Variants in CRADD observed in about 807,000 individuals in gnomAD.
CRADD encodes death domain-containing protein CRADD.
A neutral mutation model predicts 15.5 loss-of-function variants in CRADD; 9 were observed. The observed-to-expected ratio is 0.58, with a 90% CI of 0.35 to 1.01. CRADD has a LOEUF of 1.01. CRADD is among the 50% of genes least tolerant of loss of function. The pLI, the probability that CRADD is intolerant of heterozygous loss-of-function variation, is 0.02. For missense variants in CRADD, 227 were observed against 250.3 expected, an observed-to-expected ratio of 0.91 and a Z score of 0.63; for synonymous variants, 118 against 107.6, an observed-to-expected ratio of 1.10 and a Z score of -0.60.
At position 93,732,150 on chromosome 12, in the gene CRADD, A is replaced by G. The variant is rs556688855; in HGVS notation, c.298+53078A>G. 3.9e-5 allele frequency among the ~76,000 whole-genome samples: 6 copies of G among 152,018 alleles called. No homozygotes were observed. The South Asian group carries it at 6.2e-4, about 16-fold the overall frequency. On this transcript the variant is annotated intron_variant, in intron 2 of 2. Transcript: ENST00000332896. ...AAATTCCGTCTCAAGAAAAAAAAAA[A>G]AAAGAAAGAAAGAAACAGTGAAATC...
downstream of CRADD, among the ~76,000 whole-genome samples, chr12:93,851,584 C>T (rs1283951401): frequency 6.6e-6 from 1 of 152,200 alleles, no homozygotes; most frequent in Non-Finnish European, 1.5e-5. Context: ...AATTTGCCGC[C>T]ACTGTGGCTG....
At chr12:93,696,733 T>C (rs1308671232) in intron 2 of CRADD, among the ~76,000 whole-genome samples, 4 of 143,586 alleles carry the variant, frequency 2.8e-5, no homozygotes, top group African/African-American at 1.1e-4. Flanking sequence ...CAACCACAAA[T>C]AGAAAATATT....
At chr12:93,758,869 T>A (rs1036870754) in intron 2 of CRADD, among the ~76,000 whole-genome samples, 8 of 152,174 alleles carry the variant, frequency 5.3e-5, no homozygotes, top group African/African-American at 1.9e-4. Flanking sequence ...GAAACAGAAG[T>A]ATGGAAACTT....
chr12:93,738,860 G>C (rs952016593), intron 2 of CRADD, among the ~76,000 whole-genome samples: 1 of 151,962 alleles, frequency 6.6e-6, no homozygotes, highest in African/African-American at 2.4e-5. Flanking sequence ...AGAGAAACGA[G>C]GAAAGGAAGG....
chr12:93,762,681 C>A (rs1298080531), intron 2 of CRADD, among the ~76,000 whole-genome samples: 2 of 152,186 alleles, frequency 1.3e-5, no homozygotes, highest in Non-Finnish European at 2.9e-5. Context: ...TCTATTCCTG[C>A]CCCCAGTCCC....
chr12:93,749,267 A>G (rs1328715319), intron 2 of CRADD, among the ~76,000 whole-genome samples: 2 of 152,204 alleles, frequency 1.3e-5, no homozygotes, highest in Non-Finnish European at 2.9e-5. Context: ...TCAAAGGGCC[A>G]AGATGGGGAG....
intron 2 of CRADD, among the ~76,000 whole-genome samples, chr12:93,823,017 G>A (rs747929863): frequency 6.6e-6 from 1 of 152,160 alleles, no homozygotes; most frequent in African/African-American, 2.4e-5. Flanking sequence ...CGCATTGGCC[G>A]GGCACGGTGG....
chr12:93,725,482 C>T (rs1371095063), intron 2 of CRADD, among the ~76,000 whole-genome samples: 3 of 146,130 alleles, frequency 2.1e-5, no homozygotes, highest in African/African-American at 8.4e-5. Context: ...GAAAGGCCCT[C>T]ATTCCACCCA....
At chr12:93,700,335 C>T (rs1955814480) in intron 2 of CRADD, among the ~76,000 whole-genome samples, 1 of 152,184 alleles carries the variant, frequency 6.6e-6, no homozygotes. Flanking sequence ...AGCTTTCTTC[C>T]TATCACTGTG....
At position 93,832,601 on chromosome 12, in the gene CRADD, C is replaced by T. The variant is rs562783061; in HGVS notation, c.299-17369C>T. ...AAAGATAATATCAAGGAACCATAGG[C>T]CACCTTGTTTTCTTCAGCTTTAATA... On this transcript the variant is annotated intron_variant, in intron 2 of 2. Transcript: ENST00000332896. 1.2e-4 allele frequency among the ~76,000 whole-genome samples: 19 copies of T among 152,242 alleles called. No individual in the cohort carries two copies. In the East Asian group the frequency reaches 3.5e-3, roughly 28 times the overall value.
chr12:93,702,248 A>T (rs1371924860), intron 2 of CRADD, among the ~76,000 whole-genome samples: 1 of 152,182 alleles, frequency 6.6e-6, no homozygotes, highest in Non-Finnish European at 1.5e-5. Flanking sequence ...ACAGGTAAAG[A>T]GAAAAGGGAC....
At chr12:93,699,056 G>A (rs538688360) in intron 2 of CRADD, among the ~76,000 whole-genome samples, 263 of 152,186 alleles carry the variant, frequency 1.7e-3, no homozygotes, top group African/African-American at 6.1e-3. Flanking sequence ...AAAACCTGTG[G>A]CTTTTCCCAA....
rs568271254 is a variant in CRADD at position 93,836,102 on chromosome 12, G to A, written c.299-13868G>A. ...TGCAGAATGTCTTCTCATTCTGCCA[G>A]GGACAGTTAGTTCTCGTTGTCCACA... is the stretch of plus-strand genomic sequence containing the variant. On this transcript the variant is annotated intron_variant, in intron 2 of 2. Coordinates refer to ENST00000332896, the MANE Select transcript of CRADD (RefSeq NM_003805.5). 5 of 152,298 alleles carry A rather than the reference G, an allele frequency of 3.3e-5. No homozygotes were observed. In the East Asian group the frequency reaches 9.6e-4, roughly 29 times the overall value. 9.4% of individuals were successfully genotyped at this position (152,298 alleles called of 1,614,324 possible).
chr12:93,682,376 A>G (rs1955331528), intron 2 of CRADD, among the ~76,000 whole-genome samples: 1 of 152,214 alleles, frequency 6.6e-6, no homozygotes, highest in Non-Finnish European at 1.5e-5. Context: ...CATTTTGATC[A>G]TACTTATTAA....
Position 93,739,550 on chromosome 12 carries a change from T to A in CRADD, c.298+60478T>A, listed in dbSNP as rs140038641. 2.0e-3 allele frequency among the ~76,000 whole-genome samples: 305 copies of A among 151,550 alleles called. 1 individual carries two copies. Among genetic ancestry groups the A allele is most frequent in the African/African-American group, 6.9e-3 (287 of 41,428 alleles). ...TAAAAATCTTTCTAGGAAAATATAA[T>A]CAAAAGCATCAAGGCTGTCTCCTAC... On this transcript the variant is annotated intron_variant, in intron 2 of 2. Transcript: ENST00000332896.
intron 2 of CRADD, among the ~76,000 whole-genome samples, chr12:93,725,237 CCAGTGGTCCAGTATGGGTAT>C (rs978305927): frequency 2.6e-5 from 4 of 152,168 alleles, no homozygotes; most frequent in Admixed American, 2.0e-4. Context: ...TTCCTTTTTA[CCAGTGGTCCAGTATGGGTAT>C]CAGTGGAACA....
intron 2 of CRADD, among the ~76,000 whole-genome samples, chr12:93,745,390 T>A (rs1956734173): frequency 6.6e-6 from 1 of 152,230 alleles, no homozygotes; most frequent in Non-Finnish European, 1.5e-5. Flanking sequence ...AGGGGAGTTT[T>A]ATGAATACTC....
intron 2 of CRADD, 33 bp downstream of exon 2, chr12:93,679,105 C>T: frequency 6.5e-7 from 1 of 1,546,596 alleles, no homozygotes; most frequent in East Asian, 2.2e-5. Context: ...TGAACCAGCT[C>T]CAAAATGTTG....
rs1024102854 is a variant in CRADD at position 93,770,912 on chromosome 12, A to T, written c.299-79058A>T. On this transcript the variant is annotated intron_variant, in intron 2 of 2. Transcript: ENST00000332896. ...CTATAGATCAATTGCTTTTACAATC[A>T]AATCTCTAAGAGAATTGATGTCTTT... 2.0e-5 allele frequency among the ~76,000 whole-genome samples: 3 copies of T among 152,256 alleles called. No homozygotes were observed. The East Asian group carries it at 5.8e-4, about 29-fold the overall frequency.
Sources: gnomAD v4.1 joint callset for allele counts (sites outside exome capture counted in the v4.1 genomes callset) on GRCh38, gnomAD v4.1.1 for gene constraint, MANE v1.5 for transcripts, NCBI Gene and HGNC (gene_info 2026-07-23, HGNC 2026-07-21) for gene names.